Variants in MRTFB observed in about 807,000 individuals in gnomAD.
The protein encoded by MRTFB is myocardin related transcription factor B, also known as myocardin-related transcription factor B.
Under a neutral mutation model 104.2 loss-of-function variants are expected in MRTFB, and 29 were observed. The observed-to-expected ratio is 0.28, with a 90% CI of 0.21 to 0.38. The LOEUF (loss-of-function observed/expected upper bound fraction) is 0.38. MRTFB is among the 10% of genes least tolerant of loss of function. The pLI is 1.00. For missense variants in MRTFB, 1,270 were observed against 1,341.6 expected (o/e 0.95, Z 0.83); for synonymous variants, 535 against 519.5 (o/e 1.03, Z -0.41).
chr16:14,067,570 A>C (rs2033537226), upstream of MRTFB, among the ~76,000 whole-genome samples: 1 of 151,882 alleles, frequency 6.6e-6, no homozygotes, highest in Admixed American at 6.6e-5. Flanking sequence ...TTTCAGCTCA[A>C]TTTTTTCTTC....
At chr16:14,184,287 A>G (rs941395803) in intron 3 of MRTFB, among the ~76,000 whole-genome samples, 3 of 150,990 alleles carry the variant, frequency 2.0e-5, no homozygotes, top group African/African-American at 4.9e-5. Flanking sequence ...CAGTGGCACA[A>G]TCTCAGCTCA....
intron 2 of MRTFB, chr16:14,092,989 C>A: frequency 6.6e-6 from 1 of 152,170 alleles, no homozygotes; most frequent in East Asian, 1.9e-4. Flanking sequence ...GACTTCATAT[C>A]TTGGCATCTT....
At chr16:14,009,210 T>C in the MRTFB span, 2 of 152,126 alleles carry the variant, frequency 1.3e-5, no homozygotes, top group African/African-American at 4.8e-5. Context: ...CAGCCTCCCA[T>C]AGTGCTGGGA....
chr16:14,107,333 C>CTCACGCCTAGAATCTCTCTCCCAT (rs893503819), intron 2 of MRTFB, among the ~76,000 whole-genome samples: 7 of 152,192 alleles, frequency 4.6e-5, no homozygotes, highest in Non-Finnish European at 1.0e-4. Context: ...GATTCTGGGG[C>CTCACGCCTAGAATCTCTCTCCCAT]TCACGCCTAG....
intron 3 of MRTFB, among the ~76,000 whole-genome samples, chr16:14,145,057 T>A (rs184104173): frequency 1.6e-4 from 24 of 150,346 alleles, no homozygotes; most frequent in Admixed American, 3.3e-4. Context: ...TAATTTTTTT[T>A]AAATCTAAGT....
At position 14,197,562 on chromosome 16, in the gene MRTFB, A is replaced by T. The variant is rs2040495476; in HGVS notation, c.155-12681A>T. Among the ~76,000 whole-genome samples, 3 of 152,206 alleles carry T rather than the reference A, an allele frequency of 2.0e-5. No homozygotes were observed. The South Asian group carries it at 6.2e-4, about 31-fold the overall frequency. On this transcript the variant is annotated intron_variant, in intron 3 of 16. Coordinates refer to ENST00000571589, the MANE Select transcript of MRTFB (RefSeq NM_001308142.2). ...TTTTGTTAATTTATTCTTAAATGTG[A>T]CATTGTATTCTGTTTTCTTAGAAAA...
chr16:14,129,003 G>T (rs948388836), intron 2 of MRTFB, among the ~76,000 whole-genome samples: 1 of 152,242 alleles, frequency 6.6e-6, no homozygotes, highest in Non-Finnish European at 1.5e-5. Context: ...TTTCCAGCAT[G>T]TCCAAGTATT....
the MRTFB span, among the ~76,000 whole-genome samples, chr16:14,065,628 C>T: frequency 1.3e-5 from 2 of 152,104 alleles, no homozygotes; most frequent in African/African-American, 2.4e-5. Flanking sequence ...ACCTGTAGTC[C>T]GAGCTACTCA....
intron 2 of MRTFB, among the ~76,000 whole-genome samples, chr16:14,112,981 T>G (rs1023277554): frequency 1.3e-5 from 2 of 152,220 alleles, no homozygotes; most frequent in African/African-American, 4.8e-5. Flanking sequence ...ATTTACTTAT[T>G]GGTATATTAC....
chr16:14,143,203 A>G (rs949987563), intron 3 of MRTFB: 1 of 147,950 alleles, frequency 6.8e-6, no homozygotes, highest in African/African-American at 2.5e-5. Context: ...TTTATTAAGC[A>G]CTTAATATGT....
chr16:14,123,893 T>A (rs1006008591), intron 2 of MRTFB, among the ~76,000 whole-genome samples: 2 of 152,224 alleles, frequency 1.3e-5, no homozygotes, highest in African/African-American at 2.4e-5. Flanking sequence ...ATTCTTCCTA[T>A]CCATGAGCAT....
chr16:14,063,101 C>T, the MRTFB span, among the ~76,000 whole-genome samples: 3 of 152,318 alleles, frequency 2.0e-5, no homozygotes, highest in East Asian at 1.9e-4. Flanking sequence ...ACAGATACAA[C>T]GCTGTCTCCT....
chr16:14,002,855 A>T, the MRTFB span, among the ~76,000 whole-genome samples: 4 of 152,186 alleles, frequency 2.6e-5, no homozygotes, highest in Admixed American at 2.0e-4. Context: ...GAGAAAATCA[A>T]ATTAAGAAAG....
chr16:14,071,363 G>T lies in MRTFB; in HGVS notation c.-131G>T. 6.0e-6 allele frequency: 1 copy of T among 166,470 alleles called. No homozygotes were observed. Among genetic ancestry groups the T allele is most frequent in the Non-Finnish European group, 1.3e-5 (1 of 79,956 alleles). The allele number at this position is 166,470 out of a possible 1,614,324, so 10.3% of individuals were successfully genotyped here. A position where few individuals can be genotyped will look rare whatever the true frequency, so the allele number is the denominator to read the frequency against. On this transcript the variant is annotated splice_region_variant and 5_prime_UTR_variant, in exon 1 of 17. Transcript: ENST00000571589. ...GGGAGCGGCGGCGGCGGCGGCCGGG[G>T]AGGTGAGCGGCGGGCGGTGGCGGCC...
At chr16:13,999,511 A>G in the MRTFB span, among the ~76,000 whole-genome samples, 38 of 151,928 alleles carry the variant, frequency 2.5e-4, no homozygotes, top group African/African-American at 8.0e-4. Flanking sequence ...AAAAAAAAAA[A>G]AAAGAAAGAA....
chr16:14,206,747 G>T (rs867041205), intron 3 of MRTFB, among the ~76,000 whole-genome samples: 6 of 151,958 alleles, frequency 3.9e-5, no homozygotes, highest in Middle Eastern at 3.2e-3. Flanking sequence ...CACCATGTTG[G>T]CCAGGCTAGT....
chr16:14,116,075 A>C (rs1293758017), intron 2 of MRTFB, among the ~76,000 whole-genome samples: 1 of 152,218 alleles, frequency 6.6e-6, no homozygotes, highest in Non-Finnish European at 1.5e-5. Flanking sequence ...ACTGCTCTAC[A>C]GATGGGGCAC....
At position 14,122,239 on chromosome 16, in the gene MRTFB, T is replaced by G. The variant is rs953765712; in HGVS notation, c.-63-18305T>G. Among the ~76,000 whole-genome samples the G allele has an allele frequency of 4.7e-4, 59 of 125,690 alleles. No individual in the cohort carries two copies. The Middle Eastern group carries it at 0.015, about 33-fold the overall frequency. The allele number at this position is 125,690 out of a possible 152,430, so 82.5% of individuals were successfully genotyped here. On this transcript the variant is annotated intron_variant, in intron 2 of 16. Transcript: ENST00000571589. ...TCCCCTTTCAGTACATATGGATCTG[T>G]TTTTTTTTTTTCAATAATAGCGTAA...
chr16:14,097,645 C>T (rs1175025461), intron 2 of MRTFB, among the ~76,000 whole-genome samples: 1 of 152,222 alleles, frequency 6.6e-6, no homozygotes, highest in Non-Finnish European at 1.5e-5. Context: ...CTGACACGTA[C>T]ACCCATGAAA....
Sources: gnomAD v4.1 joint callset for allele counts (sites outside exome capture counted in the v4.1 genomes callset) on GRCh38, gnomAD v4.1.1 for gene constraint, MANE v1.5 for transcripts, NCBI Gene and HGNC (gene_info 2026-07-23, HGNC 2026-07-21) for gene names.